Variants in TRIM24 observed in about 807,000 individuals in gnomAD.
TRIM24 encodes tripartite motif containing 24, also known as transcription intermediary factor 1-alpha.
Under a neutral mutation model 123.9 loss-of-function variants are expected in TRIM24, and 29 were observed. That is an observed-to-expected ratio of 0.23 (90% CI 0.17 to 0.32). The LOEUF (loss-of-function observed/expected upper bound fraction) is 0.32, where lower values mean the gene tolerates loss of function less well. TRIM24 is among the 10% of genes least tolerant of loss of function. The probability of loss-of-function intolerance (pLI) is 1.00; values close to 1 mark genes in which losing one functional copy is unlikely to be tolerated. For missense variants in TRIM24, 932 were observed against 1,295.3 expected, an observed-to-expected ratio of 0.72 and a Z score of 4.31; for synonymous variants, 456 against 461.1, an observed-to-expected ratio of 0.99 and a Z score of 0.14.
chr7:138,499,659 T>C (rs181930030), intron 1 of TRIM24, among the ~76,000 whole-genome samples: 69 of 152,266 alleles, frequency 4.5e-4, no homozygotes, highest in African/African-American at 1.6e-3. Context: ...AACCAGCTCC[T>C]CCTTGTCTCA....
chr7:138,535,840 C>T (rs188756923), intron 6 of TRIM24, among the ~76,000 whole-genome samples: 532 of 152,238 alleles, frequency 3.5e-3, no homozygotes, highest in African/African-American at 0.012. Flanking sequence ...CTCCCCGTCA[C>T]TTTCAGGTAC....
chr7:138,586,538 G>C lies in TRIM24; in HGVS notation c.*1587G>C, dbSNP rs1798022685. The C allele has an allele frequency of 6.6e-6, 1 of 152,006 alleles. No homozygotes were observed. The highest frequency in any genetic ancestry group is 2.4e-5 in the African/African-American group (1 of 41,434). The allele number at this position is 152,006 out of a possible 1,614,324, so 9.4% of individuals were successfully genotyped here. A position where few individuals can be genotyped will look rare whatever the true frequency, so the allele number is the denominator to read the frequency against. Reference sequence around the variant, plus strand: ...CCCATTGTTTATATATATAGGTCTTGTTCATAATATGTCAATTATGTATTG... The same window carrying C: ...CCCATTGTTTATATATATAGGTCTTCTTCATAATATGTCAATTATGTATTG... On this transcript the variant is annotated 3_prime_UTR_variant, in exon 19 of 19. Coordinates refer to ENST00000343526, the MANE Select transcript of TRIM24 (RefSeq NM_015905.3).
chr7:138,481,505 T>A (rs1795524663), intron 1 of TRIM24, among the ~76,000 whole-genome samples: 1 of 152,168 alleles, frequency 6.6e-6, no homozygotes, highest in Non-Finnish European at 1.5e-5. Flanking sequence ...ATCTCTGTGG[T>A]AAGTACTCTC....
intron 9 of TRIM24, among the ~76,000 whole-genome samples, chr7:138,566,699 TTAG>T (rs1477621451): frequency 2.0e-5 from 3 of 152,188 alleles, no homozygotes; most frequent in African/African-American, 4.8e-5. Context: ...TTTCAAACTT[TTAG>T]TTTCCTAATT....
chr7:138,544,454 G>A (rs1190014111), intron 7 of TRIM24, among the ~76,000 whole-genome samples: 1 of 152,146 alleles, frequency 6.6e-6, no homozygotes, highest in Non-Finnish European at 1.5e-5. Context: ...CTTGGCCATT[G>A]TGAATAATGC....
At chr7:138,524,052 A>G (rs1308728766) in intron 4 of TRIM24, among the ~76,000 whole-genome samples, 1 of 152,212 alleles carries the variant, frequency 6.6e-6, no homozygotes, top group East Asian at 1.9e-4. Flanking sequence ...TCTTAGGGAT[A>G]CAGAATTCAT....
At position 138,470,078 on chromosome 7, in the gene TRIM24, C is replaced by T. The variant is rs370519535; in HGVS notation, c.364+9166C>T. ...AGCTGCCCTAGAGGTCATGGGATTT[C>T]GATACTGCAGACTCTGTTGTTTGTT... On this transcript the variant is annotated intron_variant, in intron 1 of 18. Coordinates refer to ENST00000343526, the MANE Select transcript of TRIM24 (RefSeq NM_015905.3). Among the ~76,000 whole-genome samples the T allele has an allele frequency of 1.2e-4, 18 of 149,512 alleles. No homozygotes were observed. In the South Asian group the frequency reaches 3.6e-3, roughly 30 times the overall value.
intron 3 of TRIM24, 22 bp downstream of exon 3, chr7:138,515,381 T>C (rs748025117): frequency 6.2e-7 from 1 of 1,603,476 alleles, no homozygotes; most frequent in Non-Finnish European, 8.5e-7. Flanking sequence ...GATCTTTGCA[T>C]TTTTTTCCTT....
chr7:138,584,605 A>G, intron 18 of TRIM24, 137 bp from the exon 19 acceptor site: 1 of 665,738 alleles, frequency 1.5e-6, no homozygotes, highest in South Asian at 2.5e-5. Flanking sequence ...GGCCTTCTGT[A>G]CAGAGACTTT....
At position 138,475,854 on chromosome 7, in the gene TRIM24, ACT is replaced by A. The variant is rs146871969; in HGVS notation, c.364+14944_364+14945del. 1.4e-3 allele frequency among the ~76,000 whole-genome samples: 209 copies of A among 152,226 alleles called. 2 individuals carry two copies. In the East Asian group the frequency reaches 0.038, roughly 28 times the overall value. On this transcript the variant is annotated intron_variant, in intron 1 of 18. Coordinates refer to ENST00000343526, the MANE Select transcript of TRIM24 (RefSeq NM_015905.3). Reference sequence around the variant, plus strand: ...AAAGATACATCTGCAAAATCGAAAAACTCAAAGATTAGGAGGTTGGGCAAAGA... The same window carrying A: ...AAAGATACATCTGCAAAATCGAAAAACAAAGATTAGGAGGTTGGGCAAAGA...
At chr7:138,526,953 T>A (rs1563046921) in intron 5 of TRIM24, among the ~76,000 whole-genome samples, 1 of 152,196 alleles carries the variant, frequency 6.6e-6, no homozygotes, top group Non-Finnish European at 1.5e-5. Context: ...TAATTTTAAA[T>A]TAAACATCTG....
chr7:138,573,256 A>G (rs1797692434), intron 11 of TRIM24, among the ~76,000 whole-genome samples: 1 of 152,268 alleles, frequency 6.6e-6, no homozygotes, highest in Middle Eastern at 3.4e-3. Context: ...TGTGAATGAC[A>G]TGATATTCCT....
At chr7:138,523,544 A>G (rs1201134461) in intron 4 of TRIM24, among the ~76,000 whole-genome samples, 1 of 152,118 alleles carries the variant, frequency 6.6e-6, no homozygotes, top group Non-Finnish European at 1.5e-5. Context: ...TCACAAGGTC[A>G]GGAGATTGAG....
In TRIM24 at chr7:138,538,692, A is replaced by G. The variant is rs1796942428; in HGVS notation, c.1032A>G (p.Gln344=). Residue 344 remains glutamine, a synonymous_variant, in exon 7 of 19, where the codon CAA becomes CAG. Coordinates refer to ENST00000343526, the MANE Select transcript of TRIM24 (RefSeq NM_015905.3). ...AGGACCATCGCATGAAACTTATGCA[A>G]CAACAACAGGAAGTGGCTGGACTCT... is the stretch of plus-strand genomic sequence containing the variant. ...LAKDHRMKLM[Q]QQQEVAGLSK... 1 of 1,614,156 alleles carries G rather than the reference A, an allele frequency of 6.2e-7. No individual in the cohort carries two copies. Among genetic ancestry groups the G allele is most frequent in the Admixed American group, 1.7e-5 (1 of 60,028 alleles).
chr7:138,491,701 A>C (rs565903268), intron 1 of TRIM24, among the ~76,000 whole-genome samples: 2 of 152,354 alleles, frequency 1.3e-5, no homozygotes, highest in South Asian at 4.1e-4. Flanking sequence ...GTATAGGAGT[A>C]GAATGGCTGT....
chr7:138,534,013 A>G (rs530658417), intron 6 of TRIM24, among the ~76,000 whole-genome samples: 88 of 152,266 alleles, frequency 5.8e-4, no homozygotes, highest in African/African-American at 1.2e-3. Context: ...AGAGGTGTTT[A>G]TAGTATTCTC....
At position 138,586,100 on chromosome 7, in the gene TRIM24, G is replaced by T; in HGVS notation, c.*1149G>T. 2.6e-6 allele frequency: 1 copy of T among 380,324 alleles called. No homozygotes were observed. The allele number at this position is 380,324 out of a possible 1,614,324, so 23.6% of individuals were successfully genotyped here. A position where few individuals can be genotyped will look rare whatever the true frequency, so the allele number is the denominator to read the frequency against. ...GACTTCTGATTTTATTCTTCTGATT[G>T]ATTGATAGAGGTACAAAAGACTTAT... On this transcript the variant is annotated 3_prime_UTR_variant, in exon 19 of 19. Transcript: ENST00000343526.
intron 3 of TRIM24, among the ~76,000 whole-genome samples, chr7:138,518,068 T>C (rs1172212085): frequency 6.6e-6 from 1 of 152,218 alleles, no homozygotes; most frequent in African/African-American, 2.4e-5. Context: ...TGATTTATAA[T>C]TTTCATATGT....
chr7:138,502,098 CT>C (rs1477652486), intron 1 of TRIM24, among the ~76,000 whole-genome samples: 4 of 152,122 alleles, frequency 2.6e-5, no homozygotes, highest in African/African-American at 9.7e-5. Flanking sequence ...ATATCCATGA[CT>C]CAGAATTTAT....
Sources: gnomAD v4.1 joint callset for allele counts (sites outside exome capture counted in the v4.1 genomes callset) on GRCh38, gnomAD v4.1.1 for gene constraint, MANE v1.5 for transcripts, NCBI Gene and HGNC (gene_info 2026-07-23, HGNC 2026-07-21) for gene names.